The following OTOG variants were observed in gnomAD, a reference collection of about 807,000 sequenced individuals.
OTOG encodes otogelin.
In OTOG, 296 loss-of-function variants were observed where a neutral mutation model predicts 313.8. The observed-to-expected ratio is 0.94, with a 90% CI of 0.86 to 1.04. The LOEUF is 1.04. OTOG is among the 50% of genes least tolerant of loss of function. The pLI, the probability that OTOG is intolerant of heterozygous loss-of-function variation, is 0.00. For missense variants in OTOG, 3,948 were observed against 3,840.1 expected, an observed-to-expected ratio of 1.03 and a Z score of -0.74; for synonymous variants, 1,533 against 1,554.9, an observed-to-expected ratio of 0.99 and a Z score of 0.33.
Position 17,631,356 on chromosome 11 carries a change from T to TTC in OTOG, c.6713-324_6713-323dup, listed in dbSNP as rs143019994. 0.048 allele frequency among the ~76,000 whole-genome samples: 6,828 copies of TTC among 141,672 alleles called. 236 individuals carry two copies. Among genetic ancestry groups the TTC allele is most frequent in the South Asian group, 0.09 (381 of 4,248 alleles). The allele number at this position is 141,672 out of a possible 152,430, so 92.9% of individuals were successfully genotyped here. On this transcript the variant is annotated intron_variant, in intron 40 of 55. Coordinates refer to ENST00000399397, the MANE Select transcript of OTOG (RefSeq NM_001292063.2). The stretch of plus-strand genomic sequence containing the variant: ...AGATTTGCCCCATTTGCTTCTCTCC[T>TTC]TCTCTCTCTCTCTCTCTCTCTCTGT...
At chr11:17,639,335 G>A in intron 48 of OTOG, 88 bp from the exon 49 acceptor site, 1 of 1,399,280 alleles carries the variant, frequency 7.1e-7, no homozygotes, top group Non-Finnish European at 9.9e-7. Context: ...AAGACGGGTT[G>A]TGCCAGCAGT....
intron 2 of OTOG, 44 bp from the exon 3 acceptor site, chr11:17,548,108 C>T (rs1422782374): frequency 2.0e-6 from 3 of 1,528,636 alleles, no homozygotes; most frequent in Non-Finnish European, 2.6e-6. Flanking sequence ...GGAGGCATAA[C>T]CCATCCTAGC....
intron 15 of OTOG, among the ~76,000 whole-genome samples, chr11:17,565,933 A>T (rs1229293472): frequency 6.6e-6 from 1 of 152,058 alleles, no homozygotes; most frequent in East Asian, 1.9e-4. Flanking sequence ...AGTATCATTC[A>T]TTTCTCCAAA....
chr11:17,559,679 C>G lies in OTOG; in HGVS notation c.1342+17C>G. On this transcript the variant is annotated intron_variant, in intron 12 of 55. Transcript: ENST00000399397. ...GCCCCAATGGTATGCTAGGGGCAGA[C>G]GTAGGTGCCTGGCACCATCTTCCTG... 1 of 1,548,288 alleles carries G rather than the reference C, an allele frequency of 6.5e-7. No homozygotes were observed. The highest frequency in any genetic ancestry group is 8.7e-7 in the Non-Finnish European group (1 of 1,145,788).
At chr11:17,641,989 C>G (rs1237512781) in intron 52 of OTOG, 38 bp downstream of exon 52, 1 of 1,542,640 alleles carries the variant, frequency 6.5e-7, no homozygotes, top group Non-Finnish European at 8.8e-7. Context: ...GGAGGGTGTC[C>G]CAGAAGGGGA....
intron 53 of OTOG, 71 bp downstream of exon 53, chr11:17,642,317 G>A: frequency 1.3e-6 from 2 of 1,489,478 alleles, no homozygotes; most frequent in Non-Finnish European, 1.8e-6. Context: ...TGGGGTGGAG[G>A]TCCTGTGTGC....
chr11:17,637,026 C>T (rs1024902346), intron 47 of OTOG, among the ~76,000 whole-genome samples: 1 of 152,190 alleles, frequency 6.6e-6, no homozygotes, highest in Admixed American at 6.5e-5. Flanking sequence ...CTTCGTCATA[C>T]TTTTGCTATT....
chr11:17,631,831 C>T lies in OTOG; in HGVS notation c.6842C>T (p.Thr2281Ile). ...VPSSLTSVGQ[T>I]RFRPDSCATT... ...AGCTCCCTGACCTCAGTGGGCCAGA[C>T]CCGCTTCCGCCCAGACAGCTGCGCC... The change falls in exon 41 of 56, where the codon ACC (threonine) becomes ATC (isoleucine). Residue 2281 changes from threonine to isoleucine, a missense_variant. Transcript: ENST00000399397. The T allele has an allele frequency of 6.4e-7, 1 of 1,550,632 alleles. No individual in the cohort carries two copies. The highest frequency in any genetic ancestry group is 8.7e-7 in the Non-Finnish European group (1 of 1,147,012).
intron 40 of OTOG, among the ~76,000 whole-genome samples, chr11:17,631,356 TTCTCTCTC>T (rs143019994): frequency 2.1e-5 from 3 of 141,764 alleles, no homozygotes; most frequent in South Asian, 2.4e-4. Context: ...GCTTCTCTCC[TTCTCTCTC>T]TCTCTCTCTC....
chr11:17,553,507 C>A lies in OTOG; in HGVS notation c.528C>A (p.Ser176Arg). ...GTCGCCATGAGCCCGAGGGACAGAG[C>A]TTCTCCATCCAGGTGAGGCCTCCCC... ...LVGRHEPEGQ[S>R]FSIQVHNDPQ... The change falls in exon 6 of 56, where the codon AGC becomes AGA. Residue 176 changes from serine (S) to arginine (R), a missense_variant. Coordinates refer to ENST00000399397, the MANE Select transcript of OTOG (RefSeq NM_001292063.2). 1 of 1,440,784 alleles carries A rather than the reference C, an allele frequency of 6.9e-7. No individual in the cohort carries two copies. The highest frequency in any genetic ancestry group is 1.4e-5 in the African/African-American group (1 of 69,694). 89.2% of individuals were successfully genotyped at this position (1,440,784 alleles called of 1,614,324 possible).
At chr11:17,620,899 C>T (rs569088271) in intron 39 of OTOG, among the ~76,000 whole-genome samples, 54 of 152,172 alleles carry the variant, frequency 3.5e-4, no homozygotes, top group Non-Finnish European at 6.3e-4. Context: ...TAATTCCATT[C>T]AGTGGTTTTC....
chr11:17,558,597 C>G lies in OTOG; in HGVS notation c.1056C>G (p.Tyr352Ter), dbSNP rs780285643. 1.3e-6 allele frequency: 2 copies of G among 1,550,460 alleles called. No homozygotes were observed. The highest frequency in any genetic ancestry group is 1.2e-5 in the South Asian group (1 of 84,062). The change falls in exon 10 of 56, where the codon TAC (tyrosine) becomes TAG (stop). Residue 352 changes from tyrosine (Y) to a stop codon, truncating the protein, a stop_gained. Transcript: ENST00000399397. LOFTEE classifies it high-confidence loss of function. ...LRPPFDACHA[Y>*]VSPLPFTASC... ...CCCCCTTTGACGCCTGCCACGCCTA[C>G]GTCAGCCCTCTGCCCTTCACAGCCA...
intron 23 of OTOG, among the ~76,000 whole-genome samples, chr11:17,583,927 GTCC>G (rs1792769040): frequency 6.6e-6 from 1 of 152,094 alleles, no homozygotes; most frequent in South Asian, 2.1e-4. Context: ...ACACCAGTAA[GTCC>G]TCCAAACCAC....
At chr11:17,619,220 G>A (rs1357822379) in intron 39 of OTOG, among the ~76,000 whole-genome samples, 5 of 152,148 alleles carry the variant, frequency 3.3e-5, no homozygotes, top group African/African-American at 9.7e-5. Context: ...GCAGTGAGCC[G>A]TGATTGCACG....
At chr11:17,605,040 A>G (rs1245481136) in intron 32 of OTOG, among the ~76,000 whole-genome samples, 2 of 152,156 alleles carry the variant, frequency 1.3e-5, no homozygotes, top group Non-Finnish European at 2.9e-5. Flanking sequence ...GGCGCTTCAC[A>G]CACACCTCGT....
chr11:17,564,331 C>T (rs1852254997), intron 15 of OTOG, among the ~76,000 whole-genome samples: 1 of 152,122 alleles, frequency 6.6e-6, no homozygotes, highest in Non-Finnish European at 1.5e-5. Flanking sequence ...AAGAAATAGT[C>T]CTATAGGTCA....
chr11:17,595,427 T>C (rs1853070469), intron 28 of OTOG, among the ~76,000 whole-genome samples: 1 of 152,192 alleles, frequency 6.6e-6, no homozygotes, highest in African/African-American at 2.4e-5. Context: ...TTATGAGACT[T>C]AGTGGCATTA....
intron 41 of OTOG, 24 bp downstream of exon 41, chr11:17,631,946 C>A (rs1450068011): frequency 2.6e-6 from 4 of 1,547,502 alleles, no homozygotes; most frequent in South Asian, 1.2e-5. Flanking sequence ...GGGTCCAGCA[C>A]TGGGGACACC....
chr11:17,642,188 C>G lies in OTOG; in HGVS notation c.8357C>G (p.Ala2786Gly). ...RHHCSSTPLG[A>G]VLVRSPISCP... ...CACTGCAGCAGCACGCCCCTGGGTG[C>G]CGTGCTGGTCCGCTCTCCCATAAGC... Residue 2786 changes from alanine to glycine, a missense_variant, in exon 53 of 56, where the codon GCC becomes GGC. Transcript: ENST00000399397. 6.5e-7 allele frequency: 1 copy of G among 1,550,300 alleles called. No homozygotes were observed. The highest frequency in any genetic ancestry group is 2.4e-5 in the East Asian group (1 of 40,910).
Sources: allele counts gnomAD v4.1 joint callset (sites outside exome capture counted in the v4.1 genomes callset), GRCh38; gene constraint gnomAD v4.1.1; transcripts MANE v1.5; gene names NCBI Gene and HGNC (gene_info 2026-07-23, HGNC 2026-07-21).